The following DLGAP2 variants were observed in gnomAD, a reference collection of about 807,000 sequenced individuals.
DLGAP2 encodes DLG associated protein 2, also known as disks large-associated protein 2.
A neutral mutation model predicts 100.3 loss-of-function variants in DLGAP2; 26 were observed. The observed-to-expected ratio is 0.26, with a 90% confidence interval of 0.19 to 0.36. The LOEUF is 0.36. Among genes scored for constraint, DLGAP2 ranks in the 10% least tolerant of loss-of-function variants. The pLI is 1.00. For missense variants in DLGAP2, 1,858 were observed against 1,453.2 expected, an observed-to-expected ratio of 1.28 and a Z score of -4.53; for synonymous variants, 886 against 630.1, an observed-to-expected ratio of 1.41 and a Z score of -6.08.
Position 1,078,264 on chromosome 8 carries a change from A to C in DLGAP2, c.73+170298A>C, listed in dbSNP as rs143310264. ...TTTAAATTAATAGAATTTATTTTTA[A>C]GAGCAGGTTTAGGTTCACAGAAGCA... is the stretch of plus-strand genomic sequence containing the variant. On this transcript the variant is annotated intron_variant, in intron 2 of 14. Coordinates refer to ENST00000637795, the MANE Select transcript of DLGAP2 (RefSeq NM_001346810.2). Among the ~76,000 whole-genome samples, 1,007 of 152,320 alleles carry C rather than the reference A, an allele frequency of 6.6e-3. 7 individuals carry two copies. Among genetic ancestry groups the C allele is most frequent in the African/African-American group, 0.023 (967 of 41,580 alleles).
At chr8:1,155,930 G>C (rs1796775540) in intron 2 of DLGAP2, among the ~76,000 whole-genome samples, 1 of 152,208 alleles carries the variant, frequency 6.6e-6, no homozygotes, top group Non-Finnish European at 1.5e-5. Context: ...GGGAGCTTCG[G>C]GGCTCGGGGA....
At chr8:1,261,703 G>A (rs1799354018) in intron 3 of DLGAP2, among the ~76,000 whole-genome samples, 1 of 152,206 alleles carries the variant, frequency 6.6e-6, no homozygotes, top group Non-Finnish European at 1.5e-5. Context: ...AGGGTTTGTG[G>A]CGAGGTCTCA....
intron 2 of DLGAP2, among the ~76,000 whole-genome samples, chr8:1,087,862 T>G (rs1804027215): frequency 6.6e-6 from 1 of 152,214 alleles, no homozygotes; most frequent in Non-Finnish European, 1.5e-5. Context: ...AGTGCAAAGC[T>G]CTGGATCCTT....
chr8:1,595,225 G>A (rs1043774393), intron 6 of DLGAP2, among the ~76,000 whole-genome samples: 2 of 151,966 alleles, frequency 1.3e-5, no homozygotes, highest in African/African-American at 4.8e-5. Context: ...ATTTTTAGGA[G>A]AGACAGGGTT....
intron 2 of DLGAP2, among the ~76,000 whole-genome samples, chr8:1,254,031 A>T (rs573922797): frequency 2.6e-5 from 4 of 152,224 alleles, no homozygotes; most frequent in Non-Finnish European, 4.4e-5. Context: ...TCTCTGATCC[A>T]TGTCTGAGTG....
intron 10 of DLGAP2, among the ~76,000 whole-genome samples, chr8:1,673,084 T>A (rs183006857): frequency 4.5e-4 from 68 of 152,296 alleles, no homozygotes; most frequent in Admixed American, 4.4e-3. Flanking sequence ...CTCATTCATC[T>A]TTTTTTCTTG....
intron 2 of DLGAP2, among the ~76,000 whole-genome samples, chr8:1,037,598 C>A (rs1055806475): frequency 6.6e-6 from 1 of 152,196 alleles, no homozygotes; most frequent in Non-Finnish European, 1.5e-5. Flanking sequence ...TAATTTTACG[C>A]TTTTGTTCTC....
intron 4 of DLGAP2, among the ~76,000 whole-genome samples, chr8:1,546,414 GC>G (rs1801535948): frequency 6.6e-6 from 1 of 152,216 alleles, no homozygotes; most frequent in South Asian, 2.1e-4. Context: ...GGTGTGAGAA[GC>G]CGGTCCCTGA....
intron 2 of DLGAP2, among the ~76,000 whole-genome samples, chr8:1,157,379 CTTG>C (rs775284997): frequency 5.9e-5 from 9 of 152,292 alleles, no homozygotes; most frequent in Non-Finnish European, 5.9e-5. Context: ...CTCTTGAGAA[CTTG>C]TTGTTTTTAA....
At chr8:1,328,975 G>A (rs142009841) in intron 3 of DLGAP2, among the ~76,000 whole-genome samples, 4 of 152,356 alleles carry the variant, frequency 2.6e-5, no homozygotes, top group Non-Finnish European at 4.4e-5. Context: ...TGAATTATGC[G>A]TGGAAGGCAC....
intron 2 of DLGAP2, among the ~76,000 whole-genome samples, chr8:1,201,794 C>T (rs6987817): frequency 2.0e-5 from 3 of 152,048 alleles, no homozygotes; most frequent in Non-Finnish European, 4.4e-5. Context: ...AGACACACAG[C>T]GGTGCCTCTG....
intron 3 of DLGAP2, among the ~76,000 whole-genome samples, chr8:1,271,384 T>C (rs1209763973): frequency 6.6e-6 from 1 of 152,180 alleles, no homozygotes; most frequent in Non-Finnish European, 1.5e-5. Context: ...ACTGGGGACA[T>C]AGTGACTTCT....
intron 2 of DLGAP2, among the ~76,000 whole-genome samples, chr8:1,054,047 C>A (rs1054102950): frequency 6.6e-6 from 1 of 152,086 alleles, no homozygotes; most frequent in Non-Finnish European, 1.5e-5. Flanking sequence ...TTCAGCCTTC[C>A]GCTGCTGGGT....
intron 3 of DLGAP2, among the ~76,000 whole-genome samples, chr8:1,343,197 T>C (rs1197183626): frequency 6.6e-6 from 1 of 152,170 alleles, no homozygotes; most frequent in East Asian, 1.9e-4. Context: ...TGCATGGTTA[T>C]GGTCTAGCAC....
chr8:1,425,891 A>G (rs1797224939), intron 3 of DLGAP2, among the ~76,000 whole-genome samples: 1 of 152,150 alleles, frequency 6.6e-6, no homozygotes, highest in African/African-American at 2.4e-5. Flanking sequence ...TGGTGTCTGA[A>G]AGCAGGGAAG....
Position 1,241,153 on chromosome 8 carries a change from C to T in DLGAP2, c.74-17698C>T, listed in dbSNP as rs1388291202. 2.0e-4 allele frequency among the ~76,000 whole-genome samples: 26 copies of T among 128,870 alleles called. 2 individuals are homozygous for T. The highest frequency in any genetic ancestry group is 2.6e-4 in the African/African-American group (9 of 34,698). The allele number at this position is 128,870 out of a possible 152,430, so 84.5% of individuals were successfully genotyped here. On this transcript the variant is annotated intron_variant, in intron 2 of 14. Transcript: ENST00000637795. The stretch of plus-strand genomic sequence containing the variant: ...CGTGTCTAGTTCTCTCACGTGGTGC[C>T]ATGTCTAGTTCTCTCACGTGGCGCC...
rs1563156270 is a variant in DLGAP2, at chr8:1,449,836, A to AG, written c.107-51530_107-51529insG. On this transcript the variant is annotated intron_variant, in intron 3 of 14. Coordinates refer to ENST00000637795, the MANE Select transcript of DLGAP2 (RefSeq NM_001346810.2). ...GAGGTGGGCGGCCTCGGTGGCTGTG[A>AG]CTGTAGCGGAGCTGTGAGGGTGAAG... Among the ~76,000 whole-genome samples, 91 of 89,772 alleles carry AG rather than the reference A, an allele frequency of 1.0e-3. 16 individuals carry two copies. Among genetic ancestry groups the AG allele is most frequent in the Middle Eastern group, 5.8e-3 (1 of 172 alleles). The allele number at this position is 89,772 out of a possible 152,430, so 58.9% of individuals were successfully genotyped here. A position where few individuals can be genotyped will look rare whatever the true frequency, so the allele number is the denominator to read the frequency against.
chr8:756,471 A>G (rs75825156), intron 1 of DLGAP2, among the ~76,000 whole-genome samples: 1 of 152,200 alleles, frequency 6.6e-6, no homozygotes, highest in African/African-American at 2.4e-5. Flanking sequence ...AAGACACAAT[A>G]AAAAATGCAT....
chr8:1,254,837 T>C (rs1307219627), intron 2 of DLGAP2, among the ~76,000 whole-genome samples: 1 of 151,412 alleles, frequency 6.6e-6, no homozygotes, highest in Non-Finnish European at 1.5e-5. Flanking sequence ...CTCCTGACTT[T>C]TCCTCCGTGG....
Sources: allele counts gnomAD v4.1 joint callset (sites outside exome capture counted in the v4.1 genomes callset), GRCh38; gene constraint gnomAD v4.1.1; transcripts MANE v1.5; gene names NCBI Gene and HGNC (gene_info 2026-07-23, HGNC 2026-07-21).